The following CAST variants were observed in gnomAD, a reference collection of about 807,000 sequenced individuals.
The protein encoded by CAST is calpastatin, also known as MIR583 host.
In CAST, 76 loss-of-function variants were observed where a neutral mutation model predicts 119.6. That is an observed-to-expected ratio of 0.64 (90% CI 0.53 to 0.77). The LOEUF (loss-of-function observed/expected upper bound fraction) is 0.77, where lower values mean the gene tolerates loss of function less well. CAST is among the 30% of genes least tolerant of loss of function. CAST has a pLI of 0.00. For missense variants in CAST, 953 were observed against 946.5 expected (o/e 1.01, Z -0.09); for synonymous variants, 319 against 331.6 (o/e 0.96, Z 0.41).
chr5:96,120,691 T>C, the CAST span, among the ~76,000 whole-genome samples: 26 of 147,774 alleles, frequency 1.8e-4, no homozygotes, highest in African/African-American at 6.4e-4. Context: ...ATAAATAATA[T>C]ATATTAATGT....
rs143937036 is a variant in CAST at position 96,751,411 on chromosome 5, C to A, written c.1524+729C>A. ...TTCACAAGGACACTATGAAGTCTGT[C>A]CTGATCATCTTCCTGTAATAGATAA... On this transcript the variant is annotated intron_variant, in intron 20 of 31. Transcript: ENST00000675179. Among the ~76,000 whole-genome samples the A allele has an allele frequency of 3.3e-5, 5 of 152,288 alleles. 1 individual carries two copies. The highest frequency in any genetic ancestry group is 1.2e-4 in the African/African-American group (5 of 41,564).
chr5:96,486,448 A>T, the CAST span, among the ~76,000 whole-genome samples: 1 of 152,214 alleles, frequency 6.6e-6, no homozygotes, highest in Non-Finnish European at 1.5e-5. Context: ...TTTGGCCTCA[A>T]ATCCATGTGT....
chr5:96,553,783 A>G (rs879903762), intron 1 of CAST, among the ~76,000 whole-genome samples: 4 of 152,212 alleles, frequency 2.6e-5, no homozygotes, highest in Non-Finnish European at 5.9e-5. Context: ...GAGCCAAATC[A>G]TGAGTTAACT....
the CAST span, among the ~76,000 whole-genome samples, chr5:96,302,237 C>T: frequency 9.2e-5 from 14 of 152,098 alleles, no homozygotes; most frequent in Admixed American, 1.3e-4. Context: ...GGACACAGGG[C>T]GCCATGTCCT....
At chr5:96,624,718 T>C (rs1334254005) in intron 1 of CAST, among the ~76,000 whole-genome samples, 4 of 152,200 alleles carry the variant, frequency 2.6e-5, no homozygotes, top group African/African-American at 9.7e-5. Context: ...TCTTTGCCAA[T>C]TTTTCATTAG....
At chr5:96,726,312 A>C (rs1406888144) in intron 4 of CAST, among the ~76,000 whole-genome samples, 2 of 152,246 alleles carry the variant, frequency 1.3e-5, no homozygotes, top group East Asian at 3.8e-4. Context: ...AGTTACAACC[A>C]GTTCTGTAGA....
intron 3 of CAST, among the ~76,000 whole-genome samples, chr5:96,708,406 T>C (rs1243842145): frequency 6.6e-6 from 1 of 152,180 alleles, no homozygotes; most frequent in Non-Finnish European, 1.5e-5. Flanking sequence ...TTTTCACCTA[T>C]TTTTGATTTG....
At chr5:96,240,740 T>C in the CAST span, among the ~76,000 whole-genome samples, 6 of 148,002 alleles carry the variant, frequency 4.1e-5, no homozygotes, top group East Asian at 7.8e-4. Flanking sequence ...ACTTTCTTTT[T>C]TTTTTTTTTT....
At chr5:96,383,629 G>A in the CAST span, among the ~76,000 whole-genome samples, 1 of 152,164 alleles carries the variant, frequency 6.6e-6, no homozygotes, top group Non-Finnish European at 1.5e-5. Flanking sequence ...TGTATTTTTA[G>A]TAGAGATGAG....
At chr5:96,719,530 TTTCTC>T (rs1287516030) in intron 3 of CAST, among the ~76,000 whole-genome samples, 1 of 152,186 alleles carries the variant, frequency 6.6e-6, no homozygotes, top group East Asian at 1.9e-4. Flanking sequence ...TTAAGGAACT[TTTCTC>T]TGCTTCTTGT....
the CAST span, among the ~76,000 whole-genome samples, chr5:96,193,577 A>G: frequency 7.2e-5 from 11 of 152,242 alleles, no homozygotes; most frequent in Non-Finnish European, 1.3e-4. Context: ...AAAATTCAAA[A>G]TGACTATGAT....
chr5:96,363,597 A>G, the CAST span, among the ~76,000 whole-genome samples: 2 of 152,138 alleles, frequency 1.3e-5, no homozygotes, highest in African/African-American at 4.8e-5. Flanking sequence ...CTTTGAAGCA[A>G]TTGTGAATAG....
the CAST span, among the ~76,000 whole-genome samples, chr5:96,510,247 T>C: frequency 2.6e-5 from 4 of 152,124 alleles, no homozygotes; most frequent in African/African-American, 4.8e-5. Context: ...AACTGAGAAA[T>C]TGAGGGGCAC....
chr5:96,077,494 G>A, the CAST span, among the ~76,000 whole-genome samples: 1 of 152,078 alleles, frequency 6.6e-6, no homozygotes, highest in African/African-American at 2.4e-5. Flanking sequence ...GAATTCTGTG[G>A]TATCGTCTGG....
At chr5:96,243,324 T>TA in the CAST span, among the ~76,000 whole-genome samples, 1 of 147,146 alleles carries the variant, frequency 6.8e-6, no homozygotes, top group Non-Finnish European at 1.5e-5. Context: ...TTTTTTTTTT[T>TA]ACCAAGCTGT....
intron 1 of CAST, among the ~76,000 whole-genome samples, chr5:96,642,507 G>T (rs1298457143): frequency 2.6e-5 from 4 of 151,454 alleles, no homozygotes; most frequent in Non-Finnish European, 4.4e-5. Flanking sequence ...TGGCTCTCGT[G>T]GTTGATAATG....
chr5:96,010,825 T>C, the CAST span, among the ~76,000 whole-genome samples: 1 of 152,238 alleles, frequency 6.6e-6, no homozygotes, highest in Non-Finnish European at 1.5e-5. Flanking sequence ...ACTGTCTTGA[T>C]TGGCTGTATT....
chr5:96,604,054 C>A (rs1747208734), intron 1 of CAST, among the ~76,000 whole-genome samples: 1 of 152,118 alleles, frequency 6.6e-6, no homozygotes, highest in African/African-American at 2.4e-5. Flanking sequence ...CGTAAGCCAC[C>A]CCACCTGGCC....
At chr5:96,224,107 C>T in the CAST span, among the ~76,000 whole-genome samples, 2 of 152,156 alleles carry the variant, frequency 1.3e-5, no homozygotes, top group Admixed American at 6.5e-5. Context: ...CACAAAAATA[C>T]AGACTTAGAA....
Sources: allele counts gnomAD v4.1 joint callset (sites outside exome capture counted in the v4.1 genomes callset), GRCh38; gene constraint gnomAD v4.1.1; transcripts MANE v1.5; gene names NCBI Gene and HGNC (gene_info 2026-07-23, HGNC 2026-07-21).